The following ANK2 variants were observed in gnomAD, a reference collection of about 807,000 sequenced individuals.
ANK2 encodes the protein ankyrin-2.
In ANK2, 83 loss-of-function variants were observed where a neutral mutation model predicts 360.5. The observed-to-expected ratio is 0.23, with a 90% CI of 0.19 to 0.28. The LOEUF (loss-of-function observed/expected upper bound fraction) is 0.28, where lower values mean the gene tolerates loss of function less well. Ranked by LOEUF, ANK2 falls within the 10% of genes least tolerant of loss-of-function variation. The pLI, the probability that ANK2 is intolerant of heterozygous loss-of-function variation, is 1.00. For synonymous variants in ANK2, 1,740 were observed against 1,759.5 expected, an observed-to-expected ratio of 0.99 and a Z score of 0.28; for missense variants, 4,201 against 4,795.7, an observed-to-expected ratio of 0.88 and a Z score of 3.66.
chr4:112,937,561 C>T (rs903503260), intron 2 of ANK2, among the ~76,000 whole-genome samples: 41 of 152,156 alleles, frequency 2.7e-4, no homozygotes, highest in African/African-American at 9.9e-4. Context: ...CTCCTGACCT[C>T]AGGTGATCCA....
chr4:113,306,394 T>C (rs2077262437), intron 23 of ANK2, among the ~76,000 whole-genome samples: 1 of 152,164 alleles, frequency 6.6e-6, no homozygotes, highest in Non-Finnish European at 1.5e-5. Context: ...CCTCCAGTCA[T>C]TTGGTCTGCT....
In ANK2 at chr4:113,330,240, T is replaced by G; in HGVS notation, c.2901-6T>G. On this transcript the variant is annotated splice_polypyrimidine_tract_variant and splice_region_variant and intron_variant, in intron 26 of 45. Transcript: ENST00000357077. ...AACATATCTAATCTTCTATTTTAAT[T>G]TTTAGTTTCCTGGTTAGTTTTATGG... 6.2e-7 allele frequency: 1 copy of G among 1,613,256 alleles called. No homozygotes were observed.
intron 20 of ANK2, among the ~76,000 whole-genome samples, chr4:113,289,942 A>G (rs2066703378): frequency 6.6e-6 from 1 of 152,154 alleles, no homozygotes; most frequent in Non-Finnish European, 1.5e-5. Context: ...TTTGGTTGGA[A>G]TCCAAGTATT....
the ANK2 span, among the ~76,000 whole-genome samples, chr4:112,767,218 A>G: frequency 1.2e-4 from 18 of 152,166 alleles, no homozygotes; most frequent in Non-Finnish European, 2.2e-4. Flanking sequence ...AATTCAAGAT[A>G]GTATGTATCA....
Position 113,353,619 on chromosome 4 carries a change from G to A in ANK2, c.5001G>A (p.Glu1667=), listed in dbSNP as rs1166567955. The stretch of plus-strand genomic sequence containing the variant: ...AAGATAAGGCAGGGAAGAAATGTGA[G>A]GCTCTGGCTGTTGGCAGGAGCTCTG... ...TVQDKAGKKC[E]ALAVGRSSEK... The change falls in exon 38 of 46, where the codon GAG becomes GAA. Residue 1667 remains glutamate (E), a synonymous_variant. Transcript: ENST00000357077. 1 of 1,614,048 alleles carries A rather than the reference G, an allele frequency of 6.2e-7. No homozygotes were observed. Among genetic ancestry groups the A allele is most frequent in the Non-Finnish European group, 8.5e-7 (1 of 1,179,984 alleles).
intron 43 of ANK2, among the ~76,000 whole-genome samples, chr4:113,371,034 CT>C (rs972556113): frequency 6.6e-6 from 1 of 151,858 alleles, no homozygotes; most frequent in African/African-American, 2.4e-5. Context: ...ATTGTTTTTT[CT>C]TTTAAAAAGT....
rs140122496 is a variant in ANK2 at position 112,845,879 on chromosome 4, C to A, written c.-40+27615C>A. On this transcript the variant is annotated intron_variant, in intron 1 of 30. Coordinates refer to the ANK2 transcript ENST00000503271. Reference sequence around the variant, plus strand: ...GTTCTGGGGTAGGATCAAAACTTACCTTGACTTCCTTCCTTATTTCTGGTG... The same window carrying A: ...GTTCTGGGGTAGGATCAAAACTTACATTGACTTCCTTCCTTATTTCTGGTG... Among the ~76,000 whole-genome samples, 39 of 152,302 alleles carry A rather than the reference C, an allele frequency of 2.6e-4. No individual in the cohort carries two copies. In the East Asian group the frequency reaches 6.8e-3, roughly 26 times the overall value.
intron 2 of ANK2, among the ~76,000 whole-genome samples, chr4:113,005,444 G>C (rs1337920743): frequency 1.3e-5 from 2 of 152,158 alleles, no homozygotes; most frequent in Non-Finnish European, 2.9e-5. Flanking sequence ...AGCATGGACA[G>C]AACTGGAGGT....
intron 3 of ANK2, among the ~76,000 whole-genome samples, chr4:113,197,098 G>T (rs2098758430): frequency 6.6e-6 from 1 of 152,158 alleles, no homozygotes; most frequent in African/African-American, 2.4e-5. Flanking sequence ...ATAAACCCAT[G>T]TGGGAAACTT....
intron 1 of ANK2, among the ~76,000 whole-genome samples, chr4:113,064,023 CA>C (rs1195506452): frequency 6.6e-6 from 1 of 151,916 alleles, no homozygotes; most frequent in Non-Finnish European, 1.5e-5. Context: ...CATAAAAAGA[CA>C]TTTTTTTGTT....
chr4:113,223,403 C>T (rs569982887), intron 4 of ANK2, among the ~76,000 whole-genome samples: 3 of 152,072 alleles, frequency 2.0e-5, no homozygotes, highest in East Asian at 1.9e-4. Context: ...CTTTCTGTAA[C>T]GATTCTTATT....
chr4:113,178,644 C>T (rs1380090342), intron 2 of ANK2, among the ~76,000 whole-genome samples: 1 of 150,972 alleles, frequency 6.6e-6, no homozygotes, highest in Non-Finnish European at 1.5e-5. Flanking sequence ...TAATACTATT[C>T]AAGACAGTAT....
chr4:113,192,678 G>C (rs911709802), intron 2 of ANK2, among the ~76,000 whole-genome samples: 1 of 152,070 alleles, frequency 6.6e-6, no homozygotes, highest in Non-Finnish European at 1.5e-5. Flanking sequence ...GTCATCATCT[G>C]TAAAGCATAA....
At chr4:113,209,185 T>C (rs1030088299) in intron 4 of ANK2, among the ~76,000 whole-genome samples, 3 of 151,808 alleles carry the variant, frequency 2.0e-5, no homozygotes, top group African/African-American at 7.3e-5. Context: ...CAAAACAAGT[T>C]ATGGGAGGGG....
intron 2 of ANK2, among the ~76,000 whole-genome samples, chr4:112,956,011 G>A (rs188670816): frequency 1.1e-3 from 164 of 152,276 alleles, no homozygotes; most frequent in African/African-American, 3.9e-3. Flanking sequence ...TGCCCCTGAG[G>A]TGAGACATCA....
At chr4:113,034,983 G>A (rs1389808492) in intron 2 of ANK2, among the ~76,000 whole-genome samples, 1 of 151,834 alleles carries the variant, frequency 6.6e-6, no homozygotes, top group Non-Finnish European at 1.5e-5. Context: ...AACAAGCTTT[G>A]TGTTCAAACC....
rs1342255296 is a variant in ANK2, at chr4:113,258,035, T to C, written c.1189-15T>C. On this transcript the variant is annotated splice_polypyrimidine_tract_variant and intron_variant, in intron 11 of 45. Transcript: ENST00000357077. ...TTCTGCATGTTTTCAACTAACTTGA[T>C]TGTCTTTTGCACAGAATGGTTTTAC... is the stretch of plus-strand genomic sequence containing the variant. 4 of 1,608,470 alleles carry C rather than the reference T, an allele frequency of 2.5e-6. No individual in the cohort carries two copies. The Admixed American group carries it at 6.7e-5, about 27-fold the overall frequency.
chr4:113,218,072 C>G (rs1156301703), intron 4 of ANK2, among the ~76,000 whole-genome samples: 1 of 152,158 alleles, frequency 6.6e-6, no homozygotes, highest in Non-Finnish European at 1.5e-5. Context: ...TAGTAATGGA[C>G]AAGATCTATA....
At chr4:112,896,280 G>A (rs773929518) in intron 1 of ANK2, among the ~76,000 whole-genome samples, 2 of 152,184 alleles carry the variant, frequency 1.3e-5, no homozygotes, top group African/African-American at 4.8e-5. Context: ...TGCCATGTGT[G>A]ATATAGACTA....
Sources: gnomAD v4.1 joint callset for allele counts (sites outside exome capture counted in the v4.1 genomes callset) on GRCh38, gnomAD v4.1.1 for gene constraint, MANE v1.5 for transcripts, NCBI Gene and HGNC (gene_info 2026-07-23, HGNC 2026-07-21) for gene names.